The following ZPLD1 variants were observed in gnomAD, a reference collection of about 807,000 sequenced individuals.
The protein encoded by ZPLD1 is zona pellucida-like domain-containing protein 1.
ZPLD1 carries 34 observed loss-of-function variants against 47.2 expected under a neutral mutation model. The observed-to-expected ratio is 0.72, with a 90% CI of 0.55 to 0.96. ZPLD1 has a LOEUF of 0.96. Among genes scored for constraint, ZPLD1 ranks in the 40% least tolerant of loss-of-function variants. The probability of loss-of-function intolerance (pLI) is 0.00; values close to 1 mark genes in which losing one functional copy is unlikely to be tolerated. For missense variants in ZPLD1, 512 were observed against 505.8 expected (o/e 1.01, Z -0.12); for synonymous variants, 176 against 186.2 (o/e 0.95, Z 0.45).
At chr3:102,474,383 A>G (rs1707727409) in intron 10 of ZPLD1, among the ~76,000 whole-genome samples, 1 of 152,166 alleles carries the variant, frequency 6.6e-6, no homozygotes, top group Non-Finnish European at 1.5e-5. Flanking sequence ...TTAATAATTC[A>G]TTTGAGCATA....
intron 1 of ZPLD1, 79 bp downstream of exon 1, chr3:102,435,233 T>C: frequency 2.6e-6 from 4 of 1,524,520 alleles, no homozygotes; most frequent in Non-Finnish European, 3.6e-6. Flanking sequence ...TAAAGAAGGC[T>C]TGAAAATGTC....
intron 6 of ZPLD1, among the ~76,000 whole-genome samples, chr3:102,391,392 C>G (rs1446239563): frequency 6.6e-6 from 1 of 152,096 alleles, no homozygotes; most frequent in East Asian, 1.9e-4. Flanking sequence ...CTTGATGTTC[C>G]TGTTATCAAG....
At chr3:102,406,518 C>T (rs1273337641) in intron 7 of ZPLD1, among the ~76,000 whole-genome samples, 1 of 151,872 alleles carries the variant, frequency 6.6e-6, no homozygotes, top group Admixed American at 6.6e-5. Flanking sequence ...ATCCTCAGTA[C>T]CAAGACATTT....
rs1286081197 is a variant in ZPLD1 at position 102,456,174 on chromosome 3, G to A, written c.328-19G>A. On this transcript the variant is annotated intron_variant, in intron 4 of 11. Coordinates refer to ENST00000466937, the MANE Select transcript of ZPLD1 (RefSeq NM_001329788.2). ...TATATAGCCATTTAATCATTAAACT[G>A]CATCTAACATTCTAACAGGTATCCA... 6.2e-7 allele frequency: 1 copy of A among 1,602,430 alleles called. No homozygotes were observed. The highest frequency in any genetic ancestry group is 1.3e-5 in the African/African-American group (1 of 74,592).
chr3:102,432,160 A>C (rs1229868722), upstream of ZPLD1, among the ~76,000 whole-genome samples: 1 of 152,110 alleles, frequency 6.6e-6, no homozygotes, highest in Non-Finnish European at 1.5e-5. Flanking sequence ...GAGATCTTTT[A>C]ATGTTTCCAG....
chr3:102,466,988 A>G (rs1359965682), intron 8 of ZPLD1, among the ~76,000 whole-genome samples: 1 of 152,092 alleles, frequency 6.6e-6, no homozygotes, highest in Non-Finnish European at 1.5e-5. Context: ...CCTGGATGAA[A>G]TTGAAGATTT....
intron 3 of ZPLD1, among the ~76,000 whole-genome samples, chr3:102,450,496 G>T (rs1164120628): frequency 1.3e-5 from 2 of 152,110 alleles, no homozygotes; most frequent in Non-Finnish European, 2.9e-5. Context: ...AATTTAGGAA[G>T]CAAGATTCAT....
intron 3 of ZPLD1, among the ~76,000 whole-genome samples, chr3:102,445,554 C>T (rs1707244080): frequency 6.6e-6 from 1 of 152,214 alleles, no homozygotes; most frequent in African/African-American, 2.4e-5. Flanking sequence ...ACATCAGCAT[C>T]ACCTGGAGGC....
At chr3:102,412,791 A>G (rs1197368522) in intron 7 of ZPLD1, among the ~76,000 whole-genome samples, 1 of 151,678 alleles carries the variant, frequency 6.6e-6, no homozygotes, top group Non-Finnish European at 1.5e-5. Flanking sequence ...TTCATTTGAC[A>G]GGGACATATG....
At chr3:102,426,111 TACACACACACACACACACATGC>T (rs1382802368) in intron 8 of ZPLD1, among the ~76,000 whole-genome samples, 86 of 144,216 alleles carry the variant, frequency 6.0e-4, no homozygotes, top group African/African-American at 2.1e-3. Context: ...ACATATTTCC[TACACACACACACACACACATGC>T]ACACACACAC....
intron 1 of ZPLD1, 142 bp downstream of exon 1, chr3:102,435,296 G>A: frequency 1.2e-6 from 1 of 845,780 alleles, no homozygotes; most frequent in South Asian, 1.6e-5. Flanking sequence ...GCCTTTATAA[G>A]AGATATGGGT....
chr3:102,469,053 A>T lies in ZPLD1; in HGVS notation c.851A>T (p.His284Leu). 1.2e-6 allele frequency: 2 copies of T among 1,614,186 alleles called. No individual in the cohort carries two copies. Among genetic ancestry groups the T allele is most frequent in the South Asian group, 2.2e-5 (2 of 91,078 alleles). Residue 284 changes from histidine (H) to leucine (L), a missense_variant, in exon 9 of 12, where the codon CAC becomes CTC. Transcript: ENST00000466937. The part of the protein sequence containing the change: ...FSFEVFRFVK[H>L]KNQKMSTVFL... ...TTTGAAGTGTTCCGATTTGTGAAAC[A>T]CAAGAATCAGAAAATGTCCACTGTC...
At chr3:102,464,982 G>C (rs1707569211) in intron 8 of ZPLD1, among the ~76,000 whole-genome samples, 1 of 152,102 alleles carries the variant, frequency 6.6e-6, no homozygotes, top group African/African-American at 2.4e-5. Flanking sequence ...AATATAATGG[G>C]AAACCAAAAG....
intron 10 of ZPLD1, among the ~76,000 whole-genome samples, chr3:102,471,910 G>A (rs1295755192): frequency 6.6e-6 from 1 of 152,118 alleles, no homozygotes; most frequent in Non-Finnish European, 1.5e-5. Context: ...TTTGGACTAT[G>A]TGCTAATAAT....
chr3:102,391,154 T>C (rs950747857), intron 6 of ZPLD1, among the ~76,000 whole-genome samples: 1 of 152,210 alleles, frequency 6.6e-6, no homozygotes, highest in Non-Finnish European at 1.5e-5. Context: ...TTATGGATTC[T>C]AGCTTCTAAA....
chr3:102,452,902 A>G lies in ZPLD1; in HGVS notation c.107-17A>G. 6.2e-7 allele frequency: 1 copy of G among 1,609,156 alleles called. No individual in the cohort carries two copies. The highest frequency in any genetic ancestry group is 8.5e-7 in the Non-Finnish European group (1 of 1,176,434). On this transcript the variant is annotated splice_polypyrimidine_tract_variant and intron_variant, in intron 3 of 11. Transcript: ENST00000466937. ...CTTTTCTGACTTATGTTTGTTTTTT[A>G]TATATTTTTATTTCAGCTGAAAGAG...
In ZPLD1 at chr3:102,438,497, A is replaced by G. The variant is rs1368321288; in HGVS notation, c.10A>G (p.Ile4Val). 1 of 1,613,748 alleles carries G rather than the reference A, an allele frequency of 6.2e-7. No homozygotes were observed. The highest frequency in any genetic ancestry group is 8.5e-7 in the Non-Finnish European group (1 of 1,179,810). The change falls in exon 3 of 12, where the codon ATA becomes GTA. Residue 4 changes from isoleucine to valine, a missense_variant. Coordinates refer to ENST00000466937, the MANE Select transcript of ZPLD1 (RefSeq NM_001329788.2). MEQ[I>V]WLLLLLTIRV... Reference sequence around the variant, plus strand: ...TTTTCCAGGTTTTGCAATGGAACAAATATGGTTGCTGCTGCTTCTAACAAT... The same window carrying G: ...TTTTCCAGGTTTTGCAATGGAACAAGTATGGTTGCTGCTGCTTCTAACAAT...
chr3:102,448,388 T>G (rs1468481648), intron 3 of ZPLD1, among the ~76,000 whole-genome samples: 1 of 152,248 alleles, frequency 6.6e-6, no homozygotes, highest in Non-Finnish European at 1.5e-5. Flanking sequence ...GAGCAACTGT[T>G]ATTCAGTGAC....
intron 6 of ZPLD1, among the ~76,000 whole-genome samples, chr3:102,387,542 G>A (rs991635500): frequency 1.3e-5 from 2 of 151,976 alleles, no homozygotes; most frequent in Non-Finnish European, 2.9e-5. Context: ...TAACAATCAG[G>A]ACTGGCTCTT....
Sources: gnomAD v4.1 joint callset for allele counts (sites outside exome capture counted in the v4.1 genomes callset) on GRCh38, gnomAD v4.1.1 for gene constraint, MANE v1.5 for transcripts, NCBI Gene and HGNC (gene_info 2026-07-23, HGNC 2026-07-21) for gene names.